Variants in DGKA observed in about 807,000 individuals in gnomAD.
DGKA encodes the protein 80 kDa diacylglycerol kinase.
Under a neutral mutation model 105.0 loss-of-function variants are expected in DGKA, and 35 were observed. That is an observed-to-expected ratio of 0.33 (90% CI 0.25 to 0.44). The LOEUF (loss-of-function observed/expected upper bound fraction) is 0.44, where lower values mean the gene tolerates loss of function less well. DGKA is among the 20% of genes least tolerant of loss of function. The pLI is 1.00. For missense variants in DGKA, 665 were observed against 915.0 expected (o/e 0.73, Z 3.53); for synonymous variants, 296 against 332.0 (o/e 0.89, Z 1.18).
upstream of DGKA, chr12:55,927,750 G>C: frequency 2.6e-6 from 4 of 1,539,652 alleles, no homozygotes; most frequent in African/African-American, 1.4e-5. Context: ...CAGGGCTGCC[G>C]GCAGCTTCCA....
Position 55,952,489 on chromosome 12 carries a change from TC to T in DGKA, c.1743+61del. 1.3e-6 allele frequency: 2 copies of T among 1,535,796 alleles called. No individual in the cohort carries two copies. Among genetic ancestry groups the T allele is most frequent in the Non-Finnish European group, 1.8e-6 (2 of 1,108,892 alleles). The stretch of plus-strand genomic sequence containing the variant: ...TTCAGCTTCTTAATAGCCAAGTTTC[TC>T]CCTCCATGGCACCCTTAGGAACTTC... On this transcript the variant is annotated intron_variant, in intron 20 of 23. Transcript: ENST00000331886. The surrounding 1 kb of genome is among the most constrained non-coding windows in gnomAD (Gnocchi z 5.1).
At chr12:55,927,862 GT>G, upstream of DGKA, 1 of 1,446,954 alleles carries the variant, frequency 6.9e-7, no homozygotes, top group Non-Finnish European at 9.2e-7. Context: ...GAGGGCCCTA[GT>G]TGCTTCTCGC....
upstream of DGKA, chr12:55,927,805 T>TGGCTCTGCCCC (rs539349494): frequency 2.5e-4 from 386 of 1,532,608 alleles, 6 homozygotes; most frequent in East Asian, 3.8e-3. Context: ...GGCCCTGGCC[T>TGGCTCTGCCCC]GGCTCTGCCC....
upstream of DGKA, chr12:55,927,695 G>A: frequency 6.5e-7 from 1 of 1,539,124 alleles, no homozygotes; most frequent in Non-Finnish European, 8.7e-7. Flanking sequence ...GGAGGGGCGT[G>A]CAAGGCGGAG....
intron 1 of DGKA, among the ~76,000 whole-genome samples, chr12:55,934,286 C>G (rs576188937): frequency 6.6e-6 from 1 of 152,222 alleles, no homozygotes; most frequent in South Asian, 2.1e-4. Context: ...TTAGAATCCC[C>G]AGGGGTAATC....
rs1412741165 is a variant in DGKA at position 55,942,196 on chromosome 12, G to T, written c.1359G>T (p.Leu453Phe). The change falls in exon 17 of 24, where the codon TTG (leucine) becomes TTT (phenylalanine). Residue 453 changes from leucine to phenylalanine, a missense_variant. Physicochemically the swap from Leu to Phe is conservative, Grantham distance 22. Transcript: ENST00000331886. ...ETIDKANLPVLPPVAVLPLGT... is the reference protein window; with the variant it reads ...ETIDKANLPVFPPVAVLPLGT... The stretch of plus-strand genomic sequence containing the variant: ...CAGACAAAGCTAACTTGCCAGTTTT[G>T]CCTCCTGTTGCTGTGTTGCCCCTGG... 6.2e-7 allele frequency: 1 copy of T among 1,614,230 alleles called. No individual in the cohort carries two copies. Among genetic ancestry groups the T allele is most frequent in the East Asian group, 2.2e-5 (1 of 44,894 alleles).
At chr12:55,937,185 A>ACTATCCCCTCTAGAGGGC in intron 3 of DGKA, 95 bp downstream of exon 3, 1 of 1,402,004 alleles carries the variant, frequency 7.1e-7, no homozygotes, top group South Asian at 1.2e-5. Flanking sequence ...CCTGCCCCTC[A>ACTATCCCCTCTAGAGGGC]CTATCCCCTC....
chr12:55,937,992 AATG>A lies in DGKA; in HGVS notation c.293_295del (p.Asp98del). On this transcript the variant is annotated inframe_deletion, in exon 5 of 24. Transcript: ENST00000331886. Reference sequence around the variant, plus strand: ...TTTGTAACCAGATGTGGTGTGTCTCAATGATGTTTCCTGCTACTTTTCCCTTCT... The same window carrying A: ...TTTGTAACCAGATGTGGTGTGTCTCAATGTTTCCTGCTACTTTTCCCTTCT... The A allele has an allele frequency of 6.2e-7, 1 of 1,614,122 alleles. No individual in the cohort carries two copies. The highest frequency in any genetic ancestry group is 8.5e-7 in the Non-Finnish European group (1 of 1,180,006).
At chr12:55,927,668 A>G, upstream of DGKA, 1 of 1,533,500 alleles carries the variant, frequency 6.5e-7, no homozygotes, top group African/African-American at 1.4e-5. Context: ...AACCCACTCA[A>G]CCACCAGAGA....
chr12:55,941,301 A>G lies in DGKA; in HGVS notation c.1151A>G (p.Lys384Arg). ...THPLLVFVNP[K>R]SGGKQGQRVL... is the part of the protein sequence containing the mutation. ...CCACTTCTCGTCTTTGTCAATCCTA[A>G]GAGTGGCGGGAAGCAGGGGCAAAGG... The change falls in exon 14 of 24, where the codon AAG becomes AGG. Residue 384 changes from lysine (K) to arginine (R), a missense_variant. Lys to Arg is a conservative substitution (Grantham distance 26, BLOSUM62 2). Around this residue, in one of 3 missense-constraint regions of DGKA, gnomAD observed 504 missense variants for 681.2 expected, o/e 0.74. Coordinates refer to ENST00000331886, the MANE Select transcript of DGKA (RefSeq NM_001345.5). The G allele has an allele frequency of 6.2e-7, 1 of 1,613,780 alleles. No homozygotes were observed. The highest frequency in any genetic ancestry group is 8.5e-7 in the Non-Finnish European group (1 of 1,179,724).
chr12:55,945,261 T>C (rs1488287874), intron 17 of DGKA, among the ~76,000 whole-genome samples: 1 of 152,054 alleles, frequency 6.6e-6, no homozygotes. Flanking sequence ...TGTTTGAGAG[T>C]CATCTGCTCC....
chr12:55,940,038 G>A lies in DGKA; in HGVS notation c.710-44G>A. 6.6e-7 allele frequency: 1 copy of A among 1,514,406 alleles called. No individual in the cohort carries two copies. Among genetic ancestry groups the A allele is most frequent in the Non-Finnish European group, 9.2e-7 (1 of 1,089,830 alleles). 93.8% of individuals were successfully genotyped at this position (1,514,406 alleles called of 1,614,324 possible). A position where few individuals can be genotyped will look rare whatever the true frequency, so the allele number is the denominator to read the frequency against. ...ACCCTCAGGTAAGAAGGAAATAGGGGGAGAGGCTCAGCTAAGCCTCCCAAC... is the reference window on the plus strand; with the variant it reads ...ACCCTCAGGTAAGAAGGAAATAGGGAGAGAGGCTCAGCTAAGCCTCCCAAC... On this transcript the variant is annotated intron_variant, in intron 9 of 23. Transcript: ENST00000331886. The surrounding 1 kb of genome is among the most constrained non-coding windows in gnomAD (Gnocchi z 4.3).
upstream of DGKA, among the ~76,000 whole-genome samples, chr12:55,930,090 A>T (rs1006672640): frequency 6.6e-6 from 1 of 152,332 alleles, no homozygotes; most frequent in Non-Finnish European, 1.5e-5. Context: ...CAGAGGTGTT[A>T]GGGGACCTAT....
intron 17 of DGKA, among the ~76,000 whole-genome samples, chr12:55,946,949 T>TTTTTTC (rs1160754165): frequency 2.0e-5 from 3 of 151,900 alleles, no homozygotes; most frequent in African/African-American, 4.8e-5. Flanking sequence ...AGTGGAGACT[T>TTTTTTC]TTTTTCTTTT....
In DGKA at chr12:55,940,932, C is replaced by T; in HGVS notation, c.1053C>T (p.Ser351=). Residue 351 remains serine (S), a synonymous_variant, in exon 13 of 24, where the codon AGC becomes AGT. Transcript: ENST00000331886. This position sits in a 1 kb window ranked among gnomAD's most constrained non-coding sequence, Gnocchi z 4.3. Reference sequence around the variant, plus strand: ...CGGATCGTAAAAATAGCAAAACAAGCCAGAAGACCATGGATGATTTAAATT... The same window carrying T: ...CGGATCGTAAAAATAGCAAAACAAGTCAGAAGACCATGGATGATTTAAATT... ...SGPDRKNSKT[S]QKTMDDLNLS... is the part of the protein sequence containing the mutation. The T allele has an allele frequency of 6.2e-7, 1 of 1,614,146 alleles. No homozygotes were observed. The highest frequency in any genetic ancestry group is 1.7e-5 in the Admixed American group (1 of 60,018).
At position 55,938,289 on chromosome 12, in the gene DGKA, C is replaced by T. The variant is rs942073837; in HGVS notation, c.350-222C>T. ...TTCCCATGTAGGCGGCCTAGGATGT[C>T]CTTGGGATATGGATTATGTATTGTC... On this transcript the variant is annotated intron_variant, in intron 5 of 23. Coordinates refer to ENST00000331886, the MANE Select transcript of DGKA (RefSeq NM_001345.5). 4.3e-6 allele frequency: 3 copies of T among 695,172 alleles called. No homozygotes were observed. The South Asian group carries it at 5.6e-5, about 13-fold the overall frequency. The allele number at this position is 695,172 out of a possible 1,614,324, so 43.1% of individuals were successfully genotyped here.
At chr12:55,946,194 G>C (rs1459937760) in intron 17 of DGKA, among the ~76,000 whole-genome samples, 1 of 146,150 alleles carries the variant, frequency 6.8e-6, no homozygotes, top group African/African-American at 2.5e-5. Flanking sequence ...TTTTGAGAGG[G>C]AGTTTTGCTC....
Position 55,936,450 on chromosome 12 carries a change from C to T in DGKA, c.-54C>T, listed in dbSNP as rs780816444. 1.2e-6 allele frequency: 2 copies of T among 1,600,322 alleles called. No homozygotes were observed. The highest frequency in any genetic ancestry group is 1.7e-6 in the Non-Finnish European group (2 of 1,171,660). On this transcript the variant is annotated 5_prime_UTR_variant, in exon 2 of 24. The change creates a new upstream start codon in the 5' untranslated region. Transcript: ENST00000331886. The stretch of plus-strand genomic sequence containing the variant: ...CTACCCTCTGAAGAGGTCCAAGCAA[C>T]GGAAGTACTACTACGAAGCTGCCTT...
intron 5 of DGKA, chr12:55,938,293 G>A (rs1885174108): frequency 2.9e-6 from 2 of 698,980 alleles, no homozygotes; most frequent in Non-Finnish European, 4.9e-6. Context: ...GGATGTCCTT[G>A]GGATATGGAT....
Sources: allele counts gnomAD v4.1 joint callset (sites outside exome capture counted in the v4.1 genomes callset), GRCh38; gene constraint gnomAD v4.1.1; regional missense constraint gnomAD v4.1.1; non-coding constraint Gnocchi (gnomAD v3.1); transcripts MANE v1.5; gene names NCBI Gene and HGNC (gene_info 2026-07-23, HGNC 2026-07-21).